NEB: variants seen among roughly 807,000 people sequenced by gnomAD.
The protein encoded by NEB is nemaline myopathy type 2.
In NEB, 512 loss-of-function variants were observed where a neutral mutation model predicts 952.2. The ratio of observed to expected loss-of-function variants is 0.54; its 90% CI spans 0.50 to 0.58. The LOEUF is 0.58. Among genes scored for constraint, NEB ranks in the 20% least tolerant of loss-of-function variants. The pLI is 0.00. For synonymous variants in NEB, 2,900 were observed against 3,149.8 expected (o/e 0.92, Z 2.66); for missense variants, 8,428 against 9,231.1 (o/e 0.91, Z 3.56).
intron 140 of NEB, 61 bp from the exon 141 acceptor site, chr2:151,537,297 T>C (rs1455983038): frequency 1.0e-6 from 1 of 954,820 alleles, no homozygotes; most frequent in East Asian, 2.5e-5. Context: ...AATAAGTTAG[T>C]ATCTATACAA....
intron 138 of NEB, among the ~76,000 whole-genome samples, chr2:151,539,189 G>A (rs2093680007): frequency 6.6e-6 from 1 of 152,156 alleles, no homozygotes; most frequent in African/African-American, 2.4e-5. Flanking sequence ...GGCCACCGCT[G>A]TAAGATATTA....
At position 151,688,421 on chromosome 2, in the gene NEB, G is replaced by A. The variant is rs754136793; in HGVS notation, c.2311-25C>T. 137 of 1,566,966 alleles carry A rather than the reference G, an allele frequency of 8.7e-5. No individual in the cohort carries two copies. In the Middle Eastern group the frequency reaches 1.3e-3, roughly 15 times the overall value. ...GCTGAAAAACAAAGGATATTTGAAC[G>A]GTTCAGGGGAACTTCTTTGAATTTA... is the stretch of plus-strand genomic sequence containing the variant. On this transcript the variant is annotated intron_variant, in intron 24 of 181. Transcript: ENST00000397345.
At chr2:151,633,617 T>G (rs1303338108) in intron 65 of NEB, 37 bp downstream of exon 65, 3 of 1,568,116 alleles carry the variant, frequency 1.9e-6, no homozygotes, top group Non-Finnish European at 2.6e-6. Context: ...TTTAAATTAT[T>G]TCTATGCACA....
chr2:151,666,004 C>T lies in NEB; in HGVS notation c.5031+86G>A, dbSNP rs949820738. The T allele has an allele frequency of 1.3e-5, 17 of 1,336,936 alleles. No homozygotes were observed. In the African/African-American group the frequency reaches 2.3e-4, roughly 18 times the overall value. 82.8% of individuals were successfully genotyped at this position (1,336,936 alleles called of 1,614,324 possible). A position where few individuals can be genotyped will look rare whatever the true frequency, so the allele number is the denominator to read the frequency against. On this transcript the variant is annotated intron_variant, in intron 41 of 181. Coordinates refer to ENST00000397345, the MANE Select transcript of NEB (RefSeq NM_001164508.2). ...AGGGAATCCTTAATTACAGTGAGTG[C>T]AGCCAGGTGTGGGATGGAGTAAGTG...
chr2:151,628,382 T>C (rs956006589), intron 68 of NEB, among the ~76,000 whole-genome samples: 1 of 152,186 alleles, frequency 6.6e-6, no homozygotes, highest in African/African-American at 2.4e-5. Flanking sequence ...CCCTGCTCTG[T>C]TGGAGATCAA....
intron 13 of NEB, among the ~76,000 whole-genome samples, chr2:151,700,119 G>A: frequency 1.5e-5 from 1 of 67,612 alleles, no homozygotes; most frequent in African/African-American, 5.9e-5. Flanking sequence ...ATTAAATAGG[G>A]AATCCTTTCC....
Position 151,644,566 on chromosome 2 carries a change from G to C in NEB, c.7546C>G (p.Arg2516Gly), listed in dbSNP as rs1248414885. The C allele has an allele frequency of 1.9e-6, 3 of 1,612,358 alleles. No individual in the cohort carries two copies. Among genetic ancestry groups the C allele is most frequent in the African/African-American group, 1.3e-5 (1 of 74,816 alleles). ...CTCTTCAGCTCCTCATAACCCATTC[G>C]GTAGAGTTTCTGTTAAGAAATGAAG... is the stretch of plus-strand genomic sequence containing the variant. ...NLINTSDKLY[R>G]MGYEELKRKG... The change falls in exon 56 of 182, where the codon CGA becomes GGA. Residue 2516 changes from arginine (R) to glycine (G), a missense_variant. Around this residue, in one of 11 missense-constraint regions of NEB, gnomAD observed 1,772 missense variants for 1,960.3 expected, o/e 0.90. Coordinates refer to ENST00000397345, the MANE Select transcript of NEB (RefSeq NM_001164508.2).
intron 9 of NEB, among the ~76,000 whole-genome samples, chr2:151,718,697 A>G (rs1420869121): frequency 6.6e-6 from 1 of 151,954 alleles, no homozygotes; most frequent in African/African-American, 2.4e-5. Flanking sequence ...TCTCTCAGTC[A>G]TCCCTCCTCT....
intron 111 of NEB, 69 bp from the exon 112 acceptor site, chr2:151,568,486 A>T: frequency 6.7e-7 from 1 of 1,483,556 alleles, no homozygotes; most frequent in Non-Finnish European, 9.4e-7. Flanking sequence ...TGTCCAAGCA[A>T]TTGTTAGCAT....
At chr2:151,672,334 C>T in intron 37 of NEB, 35 bp downstream of exon 37, 17 of 1,525,854 alleles carry the variant, frequency 1.1e-5, no homozygotes, top group Non-Finnish European at 1.5e-5. Context: ...CCTTTAAGTG[C>T]AAACATCTCT....
At chr2:151,733,589 T>C (rs1320391613) in intron 2 of NEB, 123 bp downstream of exon 2, 11 of 157,498 alleles carry the variant, frequency 7.0e-5, no homozygotes, top group Admixed American at 7.0e-4. Flanking sequence ...AGCACCAAAA[T>C]TCTAAGAGGG....
Position 151,650,476 on chromosome 2 carries a change from T to C in NEB, c.7228-97A>G, listed in dbSNP as rs138505318. Reference sequence around the variant, plus strand: ...TTACAAACAGATGCATTTTAGATTTTCAATAATAATTCCTAATTTCTGCTT... The same window carrying C: ...TTACAAACAGATGCATTTTAGATTTCCAATAATAATTCCTAATTTCTGCTT... On this transcript the variant is annotated intron_variant, in intron 53 of 181. Coordinates refer to ENST00000397345, the MANE Select transcript of NEB (RefSeq NM_001164508.2). 14,431 of 1,499,200 alleles carry C rather than the reference T, an allele frequency of 9.6e-3. 91 individuals are homozygous for C. The highest frequency in any genetic ancestry group is 0.012 in the Non-Finnish European group (12,814 of 1,103,556). 92.9% of individuals were successfully genotyped at this position (1,499,200 alleles called of 1,614,324 possible). A position where few individuals can be genotyped will look rare whatever the true frequency, so the allele number is the denominator to read the frequency against.
intron 159 of NEB, 97 bp downstream of exon 159, chr2:151,514,221 C>G: frequency 1.3e-6 from 1 of 797,744 alleles, no homozygotes. Context: ...CTGTTTTTCT[C>G]TGTTCTCTGT....
chr2:151,707,260 A>G (rs781057673), intron 12 of NEB, among the ~76,000 whole-genome samples: 9 of 152,208 alleles, frequency 5.9e-5, no homozygotes, highest in Admixed American at 2.0e-4. Context: ...GGGGACAGAT[A>G]TAAGAAAGAA....
Position 151,501,413 on chromosome 2 carries a change from A to G in NEB, c.23999T>C (p.Leu8000Pro). The G allele has an allele frequency of 1.3e-6, 2 of 1,549,418 alleles. No individual in the cohort carries two copies. Among genetic ancestry groups the G allele is most frequent in the Admixed American group, 2.0e-5 (1 of 50,980 alleles). The change falls in exon 168 of 182, where the codon CTC (leucine) becomes CCC (proline). Residue 8000 changes from leucine (L) to proline (P), a missense_variant. By Grantham distance (98) the Leu-to-Pro change is moderately conservative. Coordinates refer to ENST00000397345, the MANE Select transcript of NEB (RefSeq NM_001164508.2). ...PVTPEMERVKLNQENFSSVLY... is the reference protein window; with the variant it reads ...PVTPEMERVKPNQENFSSVLY... ...TACCGAGCTAAAGTTTTCTTGATTG[A>G]GTTTGACTCGCTCCATCTCAGGAGT...
rs1241505730 is a variant in NEB, at chr2:151,537,207, A to C, written c.21132T>G (p.Leu7044=). ...CATAGGCATAGCAACCAATGCCTTT[A>C]AGCCAAGTCAAGTCTTCTTTATATT... ...DVKYKEDLTW[L]KGIGCYAYDT... is the part of the protein sequence containing the mutation. Residue 7044 remains leucine, a synonymous_variant, in exon 141 of 182, where the codon CTT becomes CTG. Coordinates refer to ENST00000397345, the MANE Select transcript of NEB (RefSeq NM_001164508.2). 6.2e-7 allele frequency: 1 copy of C among 1,612,440 alleles called. No homozygotes were observed. The highest frequency in any genetic ancestry group is 2.2e-5 in the East Asian group (1 of 44,766).
At chr2:151,714,405 A>G (rs2150213130) in intron 10 of NEB, among the ~76,000 whole-genome samples, 1 of 152,286 alleles carries the variant, frequency 6.6e-6, no homozygotes, top group African/African-American at 2.4e-5. Flanking sequence ...GCTCCTCAAC[A>G]GAATTCCTCT....
intron 116 of NEB, 83 bp from the exon 117 acceptor site, chr2:151,565,231 C>T (rs144344134): frequency 7.5e-6 from 6 of 795,680 alleles, no homozygotes; most frequent in Admixed American, 2.8e-5. Flanking sequence ...AATCAGTCCA[C>T]GTTTAAAGAT....
intron 166 of NEB, chr2:151,503,143 A>G (rs1482931023): frequency 5.1e-6 from 3 of 593,610 alleles, no homozygotes; most frequent in Non-Finnish European, 8.8e-6. Context: ...TAGTATTTCA[A>G]ATCTAGTCAA....
Sources: gnomAD v4.1 joint callset for allele counts (sites outside exome capture counted in the v4.1 genomes callset) on GRCh38, gnomAD v4.1.1 for gene constraint, gnomAD v4.1.1 regional missense constraint, MANE v1.5 for transcripts, NCBI Gene and HGNC (gene_info 2026-07-23, HGNC 2026-07-21) for gene names.